The following KIAA1210 variants were observed in gnomAD, a reference collection of about 807,000 sequenced individuals.
The protein encoded by KIAA1210 is KIAA1210.
Under a neutral mutation model 78.9 loss-of-function variants are expected in KIAA1210, and 48 were observed. That is an observed-to-expected ratio of 0.61 (90% CI 0.48 to 0.77). KIAA1210 has a LOEUF of 0.77. Among genes scored for constraint, KIAA1210 ranks in the 30% least tolerant of loss-of-function variants. The pLI is 0.00. For synonymous variants in KIAA1210, 406 were observed against 404.5 expected (o/e 1.00, Z -0.04); for missense variants, 1,108 against 1,100.0 (o/e 1.01, Z -0.10).
chrX:119,101,428 T>C (rs1927733409), intron 6 of KIAA1210, among the ~76,000 whole-genome samples: 1 of 111,282 alleles, frequency 9.0e-6, no homozygotes, highest in South Asian at 3.9e-4. Context: ...GACACTGGGA[T>C]GTTGGAGAGT....
At chrX:119,093,848 A>G (rs778964235) in intron 7 of KIAA1210, 73 bp from the exon 8 acceptor site, 1 of 1,000,139 alleles carries the variant, frequency 1.0e-6, no homozygotes, top group African/African-American at 1.9e-5. Context: ...TTGCCAAAGA[A>G]AAAGCATCAG....
At chrX:119,085,576 GAAGC>G (rs1434897495) in intron 9 of KIAA1210, 30 bp from the exon 10 acceptor site, 4 of 1,178,687 alleles carry the variant, frequency 3.4e-6, no homozygotes, top group Admixed American at 4.5e-5. Flanking sequence ...AGTTAGAACT[GAAGC>G]AAGGCAGGCA....
In KIAA1210 at chrX:119,094,104, C is replaced by T. The variant is rs376335152; in HGVS notation, c.847-329G>A. On this transcript the variant is annotated intron_variant, in intron 7 of 11. Coordinates refer to ENST00000691062, the MANE Select transcript of KIAA1210 (RefSeq NM_001394962.1). Reference sequence around the variant, plus strand: ...CACTGGAAGGCCACGAATCTGAAAACGGGGTCATTGGGCCTGACAACAATC... The same window carrying T: ...CACTGGAAGGCCACGAATCTGAAAATGGGGTCATTGGGCCTGACAACAATC... The T allele has an allele frequency of 7.0e-5, 79 of 1,128,629 alleles. No individual in the cohort carries two copies. The African/African-American group carries it at 9.0e-4, about 13-fold the overall frequency. The allele number at this position is 1,128,629 out of a possible 1,213,427, so 93.0% of individuals were successfully genotyped here. A position where few individuals can be genotyped will look rare whatever the true frequency, so the allele number is the denominator to read the frequency against.
In KIAA1210 at chrX:119,138,684, G is replaced by C. The variant is rs189073366; in HGVS notation, c.410+8789C>G. Among the ~76,000 whole-genome samples, 881 of 111,721 alleles carry C rather than the reference G, an allele frequency of 7.9e-3. 4 individuals carry two copies. Among genetic ancestry groups the C allele is most frequent in the African/African-American group, 0.028 (850 of 30,720 alleles). On this transcript the variant is annotated intron_variant, in intron 2 of 13. Transcript: ENST00000402510. ...CAGGAAGGAGTAAATGATGTGCCCA[G>C]GCTCTTCTTCCTAGAGTGTACTACC...
intron 7 of KIAA1210, among the ~76,000 whole-genome samples, chrX:119,096,206 A>T (rs1413692372): frequency 8.9e-6 from 1 of 112,515 alleles, no homozygotes; most frequent in Non-Finnish European, 1.9e-5. Flanking sequence ...GAACTCCCAG[A>T]TGTTAGCCCA....
At position 119,087,689 on chromosome X, in the gene KIAA1210, C is replaced by T; in HGVS notation, c.3013G>A (p.Gly1005Ser). 8.3e-7 allele frequency: 1 copy of T among 1,211,574 alleles called. No homozygotes were observed. The highest frequency in any genetic ancestry group is 1.1e-6 in the Non-Finnish European group (1 of 895,455). Residue 1005 changes from glycine (G) to serine (S), a missense_variant, in exon 9 of 12, where the codon GGC (glycine) becomes AGC (serine). Gly to Ser is a moderately conservative substitution (Grantham distance 56). Transcript: ENST00000691062. ...TSRLEKMAVE[G>S]TSNKSPIPRR... The stretch of plus-strand genomic sequence containing the variant: ...GGAATCGGTGATTTGTTAGAAGTGC[C>T]TTCAACAGCCATTTTCTCTAGTCGT...
At chrX:119,143,682 G>A (rs1569325236) in intron 2 of KIAA1210, among the ~76,000 whole-genome samples, 1 of 112,083 alleles carries the variant, frequency 8.9e-6, no homozygotes, top group Non-Finnish European at 1.9e-5. Context: ...TGTCCCAGAA[G>A]AACAGAAATG....
At chrX:119,150,727 C>T (rs893459108), upstream of KIAA1210, 18 of 604,614 alleles carry the variant, frequency 3.0e-5, no homozygotes, top group Non-Finnish European at 4.4e-5. Flanking sequence ...CGCCCCCAAC[C>T]AGCGGGGTGC....
At chrX:119,123,690 C>G (rs958540593) in intron 1 of KIAA1210, 38 bp from the exon 2 acceptor site, 23 of 926,073 alleles carry the variant, frequency 2.5e-5, no homozygotes, top group Non-Finnish European at 2.8e-5. Flanking sequence ...AAAATATCAT[C>G]ATTTGATATT....
intron 8 of KIAA1210, among the ~76,000 whole-genome samples, chrX:119,092,511 C>T (rs1249416331): frequency 8.9e-6 from 1 of 111,803 alleles, no homozygotes; most frequent in East Asian, 2.8e-4. Flanking sequence ...CCTGCAATCC[C>T]AGCACTTTGG....
At chrX:119,149,301 C>T in intron 1 of KIAA1210, among the ~76,000 whole-genome samples, 1 of 111,588 alleles carries the variant, frequency 9.0e-6, no homozygotes, top group Non-Finnish European at 1.9e-5. Flanking sequence ...CCTAAGAAGG[C>T]AAGCTCCTTA....
At chrX:119,094,004 C>A in intron 7 of KIAA1210, 1 of 1,195,131 alleles carries the variant, frequency 8.4e-7, no homozygotes, top group Non-Finnish European at 1.1e-6. Context: ...GTGGTTCATC[C>A]AGGTTTGGAG....
intron 6 of KIAA1210, among the ~76,000 whole-genome samples, chrX:119,099,342 A>G (rs1407764944): frequency 8.9e-6 from 1 of 112,159 alleles, no homozygotes; most frequent in East Asian, 2.8e-4. Context: ...TCTGTTTCCA[A>G]TCACAGCCGA....
In KIAA1210 at chrX:119,086,899, C is replaced by T; in HGVS notation, c.3803G>A (p.Gly1268Glu). Residue 1268 changes from glycine to glutamate, a missense_variant, in exon 9 of 12, where the codon GGG becomes GAG. This residue lies in a region of KIAA1210 where 245 missense variants were observed against 278.8 expected (regional missense o/e 0.88). Coordinates refer to ENST00000691062, the MANE Select transcript of KIAA1210 (RefSeq NM_001394962.1). Reference protein sequence around the residue: ...IAPVRQTSTSGGIYSKKEDLE... With the variant: ...IAPVRQTSTSEGIYSKKEDLE... ...ATCTTCTTTCTTAGAGTAAATGCCC[C>T]CAGAAGTGGATGTTTGCCTGACAGG... is the stretch of plus-strand genomic sequence containing the variant. 8.3e-7 allele frequency: 1 copy of T among 1,211,282 alleles called. No individual in the cohort carries two copies. The highest frequency in any genetic ancestry group is 1.1e-6 in the Non-Finnish European group (1 of 895,275).
At chrX:119,144,642 T>C (rs913108813) in intron 2 of KIAA1210, among the ~76,000 whole-genome samples, 15 of 112,272 alleles carry the variant, frequency 1.3e-4, no homozygotes, top group African/African-American at 4.9e-4. Context: ...GGAGGTCTTC[T>C]TTTTAAGCCC....
intron 6 of KIAA1210, among the ~76,000 whole-genome samples, chrX:119,097,111 A>G (rs958873200): frequency 9.0e-6 from 1 of 111,670 alleles, no homozygotes; most frequent in African/African-American, 3.3e-5. Flanking sequence ...GGATTTCTAT[A>G]TTGGAGGGTT....
chrX:119,142,261 G>A (rs184677154), intron 2 of KIAA1210, among the ~76,000 whole-genome samples: 2 of 112,416 alleles, frequency 1.8e-5, no homozygotes, highest in African/African-American at 6.5e-5. Context: ...ATAAAGAGAA[G>A]GGCCCTGCTC....
At chrX:119,094,139 G>A in intron 7 of KIAA1210, 1 of 877,799 alleles carries the variant, frequency 1.1e-6, no homozygotes. Context: ...CATGCCCTCG[G>A]CCATATTGGG....
rs1328086949 is a variant in KIAA1210 at position 119,086,624 on chromosome X, A to G, written c.4078T>C (p.Ser1360Pro). 3 of 1,211,116 alleles carry G rather than the reference A, an allele frequency of 2.5e-6. No individual in the cohort carries two copies. The highest frequency in any genetic ancestry group is 3.4e-6 in the Non-Finnish European group (3 of 895,315). Residue 1360 changes from serine to proline, a missense_variant, in exon 9 of 12, where the codon TCT becomes CCT. Ser to Pro is a moderately conservative substitution (Grantham distance 74, BLOSUM62 -1). Transcript: ENST00000691062. ...CTCTGTTGCTTATCTGCAACGTAAG[A>G]TATTTTGGTGAGGTTCCCTGCAGCA... Reference protein sequence around the residue: ...LDAAGNLTKISYVADKQQSRP... With the variant: ...LDAAGNLTKIPYVADKQQSRP...
Sources: gnomAD v4.1 joint callset for allele counts (sites outside exome capture counted in the v4.1 genomes callset) on GRCh38, gnomAD v4.1.1 for gene constraint, gnomAD v4.1.1 regional missense constraint, MANE v1.5 for transcripts, NCBI Gene and HGNC (gene_info 2026-07-23, HGNC 2026-07-21) for gene names.